PCDHA1: variants seen among roughly 807,000 people sequenced by gnomAD.
The protein encoded by PCDHA1 is protocadherin alpha 1.
PCDHA1 carries 42 observed loss-of-function variants against 61.3 expected under a neutral mutation model. That is an observed-to-expected ratio of 0.69 (90% CI 0.54 to 0.89). PCDHA1 has a LOEUF of 0.89. PCDHA1 is among the 40% of genes least tolerant of loss of function. PCDHA1 has a pLI of 0.00. For synonymous variants in PCDHA1, 610 were observed against 553.8 expected, an observed-to-expected ratio of 1.10 and a Z score of -1.43; for missense variants, 1,256 against 1,235.3, an observed-to-expected ratio of 1.02 and a Z score of -0.25.
chr5:140,884,092 G>A (rs1443036011), intron 1 of PCDHA1: 17 of 1,613,438 alleles, frequency 1.1e-5, no homozygotes, highest in Non-Finnish European at 1.4e-5. Flanking sequence ...CGTGGCTTTC[G>A]TATGAATTGC....
rs957445106 is a variant in PCDHA1, at chr5:140,980,862, G to A, written c.2454-1613G>A. Among the ~76,000 whole-genome samples the A allele has an allele frequency of 5.1e-4, 77 of 152,202 alleles. 2 individuals are homozygous for A. Among genetic ancestry groups the A allele is most frequent in the African/African-American group, 1.7e-3 (72 of 41,546 alleles). ...AATAATACTAATCTTTTTCGTATGT[G>A]TGCTTGGGTGTTCTCGGTCTTTCCA... On this transcript the variant is annotated intron_variant, in intron 2 of 3. Coordinates refer to ENST00000504120, the MANE Select transcript of PCDHA1 (RefSeq NM_018900.4).
rs782500328 is a variant in PCDHA1 at position 140,786,555 on chromosome 5, C to G, written c.265C>G (p.Arg89Gly). 4 of 1,614,194 alleles carry G rather than the reference C, an allele frequency of 2.5e-6. No individual in the cohort carries two copies. The highest frequency in any genetic ancestry group is 1.7e-5 in the Admixed American group (1 of 60,024). ...LQNGILFVNS[R>G]IDREELCQWS... ...GAATGGCATTTTGTTTGTGAATTCT[C>G]GGATCGATCGCGAGGAGCTGTGCCA... The change falls in exon 1 of 4, where the codon CGG becomes GGG. Residue 89 changes from arginine to glycine, a missense_variant. Transcript: ENST00000504120.
chr5:140,884,504 GGGAGTT>G, intron 1 of PCDHA1: 1 of 1,614,180 alleles, frequency 6.2e-7, no homozygotes, highest in Non-Finnish European at 8.5e-7. Context: ...CAGCGCGGCA[GGGAGTT>G]GGTCGTACTC....
chr5:140,974,701 A>G (rs1299087234), intron 1 of PCDHA1, among the ~76,000 whole-genome samples: 2 of 152,012 alleles, frequency 1.3e-5, no homozygotes, highest in Non-Finnish European at 2.9e-5. Flanking sequence ...GGGTTTCACC[A>G]TGTTGTTCAA....
intron 1 of PCDHA1, among the ~76,000 whole-genome samples, chr5:140,908,870 T>C (rs1221082339): frequency 6.6e-6 from 1 of 152,136 alleles, no homozygotes; most frequent in Non-Finnish European, 1.5e-5. Flanking sequence ...ATGTGTTGCC[T>C]CCAAAATCCA....
chr5:140,808,895 G>A (rs781855860), intron 1 of PCDHA1: 1 of 1,613,372 alleles, frequency 6.2e-7, no homozygotes. Context: ...AGCGCCTCGG[G>A]CGGGTGGCAC....
chr5:140,872,356 G>C (rs2053615726), intron 1 of PCDHA1, among the ~76,000 whole-genome samples: 1 of 152,160 alleles, frequency 6.6e-6, no homozygotes, highest in African/African-American at 2.4e-5. Flanking sequence ...GCCAGGCAAA[G>C]TGGTTCAGGC....
intron 1 of PCDHA1, chr5:140,821,624 A>G: frequency 1.1e-6 from 1 of 893,550 alleles, no homozygotes; most frequent in Non-Finnish European, 1.7e-6. Context: ...GATTTTCCTT[A>G]GACAGAAAGG....
intron 1 of PCDHA1, among the ~76,000 whole-genome samples, chr5:140,918,298 A>G (rs2078622610): frequency 6.6e-6 from 1 of 152,150 alleles, no homozygotes; most frequent in Non-Finnish European, 1.5e-5. Context: ...GGCAGAGAAT[A>G]TAGGGTTTTC....
chr5:140,806,863 G>A, intron 1 of PCDHA1: 1 of 354,482 alleles, frequency 2.8e-6, no homozygotes, highest in Non-Finnish European at 5.1e-6. Flanking sequence ...GTGGTACAAT[G>A]TGTACCACAG....
At chr5:140,825,409 T>A (rs1768556836) in intron 1 of PCDHA1, 1 of 146,468 alleles carries the variant, frequency 6.8e-6, no homozygotes, top group African/African-American at 2.5e-5. Context: ...ATTATATATT[T>A]TATATAATAT....
At chr5:140,820,286 T>C (rs1554127813) in intron 1 of PCDHA1, among the ~76,000 whole-genome samples, 1 of 152,018 alleles carries the variant, frequency 6.6e-6, no homozygotes, top group Non-Finnish European at 1.5e-5. Flanking sequence ...AAAGATTGTA[T>C]CAGAAACAAT....
chr5:140,854,265 A>C lies in PCDHA1; in HGVS notation c.2394+65581A>C, dbSNP rs2043061448. The C allele has an allele frequency of 6.7e-6, 4 of 593,530 alleles. 1 individual carries two copies. The highest frequency in any genetic ancestry group is 4.0e-5 in the African/African-American group (2 of 49,606). The allele number at this position is 593,530 out of a possible 1,614,324, so 36.8% of individuals were successfully genotyped here. A position where few individuals can be genotyped will look rare whatever the true frequency, so the allele number is the denominator to read the frequency against. ...TATCACTTGGTATAAAATGTACATT[A>C]GTAGAAATTGAGTTTAGTTTTTATT... On this transcript the variant is annotated intron_variant, in intron 1 of 3. Transcript: ENST00000504120.
chr5:140,946,631 T>TAC (rs374022482), intron 1 of PCDHA1, among the ~76,000 whole-genome samples: 8 of 131,856 alleles, frequency 6.1e-5, no homozygotes, highest in African/African-American at 1.7e-4. Context: ...TATATATATA[T>TAC]ACAATGGAAT....
chr5:140,940,265 C>T (rs782351194), intron 1 of PCDHA1, among the ~76,000 whole-genome samples: 1 of 152,116 alleles, frequency 6.6e-6, no homozygotes, highest in Non-Finnish European at 1.5e-5. Flanking sequence ...CTTCTGGGTT[C>T]CACTGTTGTC....
At chr5:140,876,918 G>A (rs2056694252) in intron 1 of PCDHA1, 4 of 1,613,936 alleles carry the variant, frequency 2.5e-6, no homozygotes, top group East Asian at 2.2e-5. Context: ...CATGGGACGC[G>A]GACGCGCAGA....
At chr5:140,843,659 C>A in intron 1 of PCDHA1, 1 of 1,594,466 alleles carries the variant, frequency 6.3e-7, no homozygotes, top group Non-Finnish European at 8.6e-7. Context: ...TCCTCCTGAT[C>A]TGGGATCAGT....
chr5:140,985,955 G>A (rs1284756138), intron 3 of PCDHA1, among the ~76,000 whole-genome samples: 1 of 151,674 alleles, frequency 6.6e-6, no homozygotes, highest in Non-Finnish European at 1.5e-5. Flanking sequence ...TAGCCAGGAT[G>A]GTCTCAATCT....
At chr5:140,927,094 G>C (rs555838945) in intron 1 of PCDHA1, 4 of 1,612,890 alleles carry the variant, frequency 2.5e-6, no homozygotes. Context: ...CTACTTCGGG[G>C]TGGATCTACC....
Sources: gnomAD v4.1 joint callset for allele counts (sites outside exome capture counted in the v4.1 genomes callset) on GRCh38, gnomAD v4.1.1 for gene constraint, MANE v1.5 for transcripts, NCBI Gene and HGNC (gene_info 2026-07-23, HGNC 2026-07-21) for gene names.